ZNF225: variants seen among roughly 807,000 people sequenced by gnomAD.
ZNF225 encodes the protein zinc finger protein 225.
A neutral mutation model predicts 12.0 loss-of-function variants in ZNF225; 6 were observed. That is an observed-to-expected ratio of 0.50 (90% CI 0.27 to 0.98). The LOEUF is 0.98. ZNF225 is among the 50% of genes least tolerant of loss of function. ZNF225 has a pLI of 0.11. For missense variants in ZNF225, 763 were observed against 848.2 expected, an observed-to-expected ratio of 0.90 and a Z score of 1.25; for synonymous variants, 271 against 283.2, an observed-to-expected ratio of 0.96 and a Z score of 0.43.
At chr19:44,117,987 C>T (rs1967973981) in intron 2 of ZNF225, among the ~76,000 whole-genome samples, 1 of 152,058 alleles carries the variant, frequency 6.6e-6, no homozygotes, top group East Asian at 1.9e-4. Context: ...CCACTGCACT[C>T]CAGCCCGGGC....
At position 44,131,934 on chromosome 19, in the gene ZNF225, G is replaced by A; in HGVS notation, c.1320G>A (p.Arg440=). The change falls in exon 5 of 5, where the codon AGG becomes AGA. Residue 440 remains arginine, a synonymous_variant. Transcript: ENST00000262894. The part of the protein sequence containing the change: ...CEECGKGYKR[R]LDLDFHQRVH... ...AGTGTGGGAAGGGCTACAAAAGGAG[G>A]TTGGATCTTGACTTTCATCAGAGGG... 3 of 1,613,756 alleles carry A rather than the reference G, an allele frequency of 1.9e-6. No homozygotes were observed. Among genetic ancestry groups the A allele is most frequent in the South Asian group, 2.2e-5 (2 of 91,058 alleles).
chr19:44,129,361 G>A (rs577891446), intron 4 of ZNF225: 1 of 276,268 alleles, frequency 3.6e-6, no homozygotes, highest in Admixed American at 5.3e-5. Flanking sequence ...GTTTTTATAG[G>A]GGAAAGATGC....
chr19:44,120,857 G>A (rs1386246824), intron 4 of ZNF225, among the ~76,000 whole-genome samples: 1 of 150,856 alleles, frequency 6.6e-6, no homozygotes, highest in African/African-American at 2.4e-5. Flanking sequence ...TTTGTCTCTC[G>A]CCCTCCTCCC....
intron 4 of ZNF225, among the ~76,000 whole-genome samples, chr19:44,122,105 C>T (rs1267752215): frequency 6.6e-6 from 1 of 152,058 alleles, no homozygotes; most frequent in Non-Finnish European, 1.5e-5. Flanking sequence ...CCAATGTTAC[C>T]TTCTAGAATT....
In ZNF225 at chr19:44,119,769, G is replaced by T. The variant is rs1477000305; in HGVS notation, c.235+1195G>T. Among the ~76,000 whole-genome samples the T allele has an allele frequency of 4.6e-5, 7 of 152,152 alleles. No homozygotes were observed. In the East Asian group the frequency reaches 1.2e-3, roughly 25 times the overall value. ...ATGTGGACATCTTTTATGAATCATT[G>T]TTCTGTCTACTACTGAAGCTTCTGC... On this transcript the variant is annotated intron_variant, in intron 4 of 4. Coordinates refer to ENST00000262894, the MANE Select transcript of ZNF225 (RefSeq NM_013362.4).
Position 44,118,235 on chromosome 19 carries a change from G to C in ZNF225, c.63G>C (p.Glu21Asp). 6.2e-7 allele frequency: 1 copy of C among 1,613,400 alleles called. No individual in the cohort carries two copies. The highest frequency in any genetic ancestry group is 1.1e-5 in the South Asian group (1 of 91,056). ...TGGCTGTGGTCTTCACTGAGGAAGA[G>C]CTGAGGCTGCTGGACCTTGCCCAGA... ...KDVAVVFTEE[E>D]LRLLDLAQRK... The change falls in exon 3 of 5, where the codon GAG (glutamate) becomes GAC (aspartate). Residue 21 changes from glutamate to aspartate, a missense_variant. Glu to Asp is a conservative substitution (Grantham distance 45). Coordinates refer to ENST00000262894, the MANE Select transcript of ZNF225 (RefSeq NM_013362.4).
At chr19:44,116,875 T>C (rs902540127) in intron 2 of ZNF225, among the ~76,000 whole-genome samples, 1 of 152,170 alleles carries the variant, frequency 6.6e-6, no homozygotes, top group Non-Finnish European at 1.5e-5. Context: ...AGACCTGATA[T>C]TATATGATCA....
intron 2 of ZNF225, among the ~76,000 whole-genome samples, chr19:44,116,140 A>G (rs1967938151): frequency 6.6e-6 from 1 of 152,162 alleles, no homozygotes; most frequent in Admixed American, 6.5e-5. Flanking sequence ...GGAATTGCAG[A>G]TGTGAGCCAC....
upstream of ZNF225, chr19:44,112,312 G>C (rs765728663): frequency 6.6e-6 from 1 of 152,076 alleles, no homozygotes; most frequent in Non-Finnish European, 1.5e-5. Context: ...CTATGTCTGC[G>C]GCAGCTGGAT....
intron 4 of ZNF225, among the ~76,000 whole-genome samples, chr19:44,119,341 A>C (rs1968009648): frequency 6.6e-6 from 1 of 152,192 alleles, no homozygotes; most frequent in African/African-American, 2.4e-5. Flanking sequence ...TAAACAACAA[A>C]AATTTATCAT....
Position 44,130,950 on chromosome 19 carries a change from C to T in ZNF225, c.336C>T (p.Thr112=). The T allele has an allele frequency of 6.2e-7, 1 of 1,614,046 alleles. No homozygotes were observed. Among genetic ancestry groups the T allele is most frequent in the Non-Finnish European group, 8.5e-7 (1 of 1,179,998 alleles). Residue 112 remains threonine (T), a synonymous_variant, in exon 5 of 5, where the codon ACC becomes ACT. Transcript: ENST00000262894. The stretch of plus-strand genomic sequence containing the variant: ...GGGAACAAATTTCAAGTGACTTAAC[C>T]AGGTTTCAAGACTCCATGGTAAACA... The part of the protein sequence containing the change: ...QTWEQISSDL[T]RFQDSMVNSF...
chr19:44,131,644 T>G lies in ZNF225; in HGVS notation c.1030T>G (p.Tyr344Asp). The change falls in exon 5 of 5, where the codon TAC becomes GAC. Residue 344 changes from tyrosine (Y) to aspartate (D), a missense_variant. By Grantham distance (160) the Tyr-to-Asp change is radical (BLOSUM62 -3). Coordinates refer to ENST00000262894, the MANE Select transcript of ZNF225 (RefSeq NM_013362.4). ...HRMVHTGEKRYKCEECGKRFI... is the reference protein window; with the variant it reads ...HRMVHTGEKRDKCEECGKRFI... ...CATGGTCCACACAGGAGAGAAACGGTACAAATGTGAGGAATGTGGAAAACG... is the reference window on the plus strand; with the variant it reads ...CATGGTCCACACAGGAGAGAAACGGGACAAATGTGAGGAATGTGGAAAACG... 1 of 1,614,142 alleles carries G rather than the reference T, an allele frequency of 6.2e-7. No homozygotes were observed. The highest frequency in any genetic ancestry group is 8.5e-7 in the Non-Finnish European group (1 of 1,180,020).
rs757602769 is a variant in ZNF225, at chr19:44,132,183, G to A, written c.1569G>A (p.Gln523=). The change falls in exon 5 of 5, where the codon CAG becomes CAA. Residue 523 remains glutamine (Q), a synonymous_variant. Transcript: ENST00000262894. ...KCEECGKRFT[Q]NSQLYSHRRV... ...AAGAGTGTGGGAAAAGATTTACTCAGAATTCACAACTTTATTCTCATCGCA... is the reference window on the plus strand; with the variant it reads ...AAGAGTGTGGGAAAAGATTTACTCAAAATTCACAACTTTATTCTCATCGCA... 5.0e-6 allele frequency: 8 copies of A among 1,613,168 alleles called. No individual in the cohort carries two copies. The highest frequency in any genetic ancestry group is 2.7e-5 in the African/African-American group (2 of 74,554).
At chr19:44,118,630 C>G in intron 4 of ZNF225, 56 bp downstream of exon 4, 1 of 1,522,092 alleles carries the variant, frequency 6.6e-7, no homozygotes, top group East Asian at 2.3e-5. Flanking sequence ...GGTTTCACTT[C>G]TGTCCATTGC....
chr19:44,121,148 C>T (rs768810755), intron 4 of ZNF225, among the ~76,000 whole-genome samples: 1 of 152,146 alleles, frequency 6.6e-6, no homozygotes, highest in Non-Finnish European at 1.5e-5. Flanking sequence ...CCACCCGCCT[C>T]GGCCTCCCAA....
Position 44,132,336 on chromosome 19 carries a change from G to T in ZNF225, c.1722G>T (p.Gly574=), listed in dbSNP as rs1450109262. The part of the protein sequence containing the change: ...GERPYNCKEC[G]KSFSRASSIL... ...GACCTTATAATTGTAAAGAATGTGG[G>T]AAGAGCTTTAGCCGGGCCTCAAGTA... The change falls in exon 5 of 5, where the codon GGG becomes GGT. Residue 574 remains glycine (G), a synonymous_variant. Coordinates refer to ENST00000262894, the MANE Select transcript of ZNF225 (RefSeq NM_013362.4). 1 of 1,614,080 alleles carries T rather than the reference G, an allele frequency of 6.2e-7. No individual in the cohort carries two copies. Among genetic ancestry groups the T allele is most frequent in the South Asian group, 1.1e-5 (1 of 91,046 alleles).
intron 4 of ZNF225, among the ~76,000 whole-genome samples, chr19:44,125,984 C>T (rs1320567846): frequency 1.3e-5 from 2 of 152,076 alleles, no homozygotes; most frequent in Non-Finnish European, 2.9e-5. Context: ...CTTCACCTTT[C>T]TCTGGTGCCT....
At chr19:44,128,505 A>G (rs1015793292) in intron 4 of ZNF225, 3 of 152,280 alleles carry the variant, frequency 2.0e-5, no homozygotes, top group African/African-American at 7.2e-5. Flanking sequence ...AATGTGCACC[A>G]GTAGGTACAC....
In ZNF225 at chr19:44,132,464, T is replaced by C; in HGVS notation, c.1850T>C (p.Val617Ala). The change falls in exon 5 of 5, where the codon GTT becomes GCT. Residue 617 changes from valine (V) to alanine (A), a missense_variant. Transcript: ENST00000262894. ...ENSQLHSHQR[V>A]HTGEKPYKCE... ...TCACAGCTTCATTCCCATCAGAGGG[T>C]TCACACTGGGGAAAAGCCATACAAA... 1 of 1,614,028 alleles carries C rather than the reference T, an allele frequency of 6.2e-7. No individual in the cohort carries two copies. The highest frequency in any genetic ancestry group is 8.5e-7 in the Non-Finnish European group (1 of 1,179,974).
Sources: gnomAD v4.1 joint callset for allele counts (sites outside exome capture counted in the v4.1 genomes callset) on GRCh38, gnomAD v4.1.1 for gene constraint, MANE v1.5 for transcripts, NCBI Gene and HGNC (gene_info 2026-07-23, HGNC 2026-07-21) for gene names.